The following PDE1C variants were observed in gnomAD, a reference collection of about 807,000 sequenced individuals.
PDE1C encodes phosphodiesterase 1C, also known as dual specificity calcium/calmodulin-dependent 3',5'-cyclic nucleotide phosphodiesterase 1C.
A neutral mutation model predicts 93.1 loss-of-function variants in PDE1C; 62 were observed. The observed-to-expected ratio is 0.67, with a 90% CI of 0.54 to 0.82. The LOEUF (loss-of-function observed/expected upper bound fraction) is 0.82. Among genes scored for constraint, PDE1C ranks in the 40% least tolerant of loss-of-function variants. PDE1C has a pLI of 0.00. For missense variants in PDE1C, 742 were observed against 884.6 expected, an observed-to-expected ratio of 0.84 and a Z score of 2.04; for synonymous variants, 325 against 310.1, an observed-to-expected ratio of 1.05 and a Z score of -0.50.
chr7:31,797,214 C>G lies in PDE1C; in HGVS notation c.1891+11817G>C, dbSNP rs146537420. On this transcript the variant is annotated intron_variant, in intron 16 of 17. Transcript: ENST00000396191. ...TTCTTATGACGACTTAATTGGAACC[C>G]AAAGCACTCCAGATATTTGGTCCCT... Among the ~76,000 whole-genome samples the G allele has an allele frequency of 4.0e-5, 6 of 151,778 alleles. 1 individual carries two copies. Among genetic ancestry groups the G allele is most frequent in the Middle Eastern group, 6.8e-3 (2 of 294 alleles).
At chr7:32,367,361 A>G (rs1004087304) in intron 1 of PDE1C, among the ~76,000 whole-genome samples, 2 of 152,266 alleles carry the variant, frequency 1.3e-5, no homozygotes, top group African/African-American at 4.8e-5. Flanking sequence ...CAAAGGACAT[A>G]TAAAACATGA....
rs564959615 is a variant in PDE1C at position 31,871,615 on chromosome 7, T to C, written c.609+1677A>G. Among the ~76,000 whole-genome samples the C allele has an allele frequency of 4.6e-5, 7 of 151,600 alleles. No homozygotes were observed. In the South Asian group the frequency reaches 1.5e-3, roughly 32 times the overall value. On this transcript the variant is annotated intron_variant, in intron 6 of 17. Transcript: ENST00000396191. Reference sequence around the variant, plus strand: ...GGGTACATGAAAAAAATGCTCATTATCACTAATCATCAGGGAAATGAAAAT... The same window carrying C: ...GGGTACATGAAAAAAATGCTCATTACCACTAATCATCAGGGAAATGAAAAT...
At chr7:32,094,349 T>C (rs945753265) in intron 3 of PDE1C, among the ~76,000 whole-genome samples, 2 of 152,146 alleles carry the variant, frequency 1.3e-5, no homozygotes, top group Admixed American at 6.5e-5. Flanking sequence ...CACTATCTTC[T>C]GATTATTGAA....
chr7:32,249,033 T>C (rs1809168442), intron 1 of PDE1C, among the ~76,000 whole-genome samples: 1 of 152,018 alleles, frequency 6.6e-6, no homozygotes, highest in Non-Finnish European at 1.5e-5. Flanking sequence ...ACAGGAGCTC[T>C]TGGAAGTCAA....
intron 2 of PDE1C, among the ~76,000 whole-genome samples, chr7:31,956,834 A>C (rs894484005): frequency 1.1e-4 from 16 of 152,186 alleles, no homozygotes; most frequent in African/African-American, 3.9e-4. Flanking sequence ...AATTGGTTAA[A>C]ATCATGGGCA....
chr7:31,741,006 C>T, the PDE1C span, among the ~76,000 whole-genome samples: 1 of 151,280 alleles, frequency 6.6e-6, no homozygotes, highest in Non-Finnish European at 1.5e-5. Flanking sequence ...GAGTTTGAGG[C>T]TGCAGTGATC....
At chr7:32,371,666 T>C (rs1031128281) in intron 1 of PDE1C, among the ~76,000 whole-genome samples, 1 of 152,240 alleles carries the variant, frequency 6.6e-6, no homozygotes. Context: ...ATAAAATATT[T>C]GTAAAACTTT....
At position 31,944,256 on chromosome 7, in the gene PDE1C, C is replaced by T. The variant is rs147311227; in HGVS notation, c.129-63396G>A. 4.3e-4 allele frequency among the ~76,000 whole-genome samples: 65 copies of T among 152,316 alleles called. No individual in the cohort carries two copies. The East Asian group carries it at 6.2e-3, about 14-fold the overall frequency. ...TCTGGTTTTCCCTCCCGGTTACATTCGCACTAGAGCACTCACCTGGGCCAA... is the reference window on the plus strand; with the variant it reads ...TCTGGTTTTCCCTCCCGGTTACATTTGCACTAGAGCACTCACCTGGGCCAA... On this transcript the variant is annotated intron_variant, in intron 2 of 17. Transcript: ENST00000396191.
intron 3 of PDE1C, among the ~76,000 whole-genome samples, chr7:32,143,521 T>C (rs2392027): frequency 0.32 from 48,729 of 151,664 alleles, 8,590 homozygotes; most frequent in Non-Finnish European, 0.4. Context: ...GCCATTCCCA[T>C]GTGCTGTGAT....
intron 1 of PDE1C, among the ~76,000 whole-genome samples, chr7:32,282,706 G>A (rs1304185736): frequency 6.8e-6 from 1 of 146,004 alleles, no homozygotes; most frequent in Non-Finnish European, 1.5e-5. Context: ...TCAGCCTCCC[G>A]AGTAGCTGGG....
At chr7:32,171,670 G>A (rs1260389738) in intron 2 of PDE1C, among the ~76,000 whole-genome samples, 1 of 150,442 alleles carries the variant, frequency 6.6e-6, no homozygotes, top group Admixed American at 6.6e-5. Flanking sequence ...ATTGTATTAG[G>A]TATTACAAGT....
chr7:31,953,381 A>G (rs781090268), intron 2 of PDE1C, among the ~76,000 whole-genome samples: 5 of 152,138 alleles, frequency 3.3e-5, no homozygotes, highest in African/African-American at 7.2e-5. Flanking sequence ...GGATTCTTCA[A>G]TCTCAAAGTA....
At chr7:31,660,375 G>A in the PDE1C span, among the ~76,000 whole-genome samples, 1 of 152,096 alleles carries the variant, frequency 6.6e-6, no homozygotes. Flanking sequence ...TCTATGTAAA[G>A]CTATGGTCTA....
chr7:31,908,980 T>A (rs1201228492), intron 2 of PDE1C, among the ~76,000 whole-genome samples: 1 of 152,210 alleles, frequency 6.6e-6, no homozygotes, highest in Non-Finnish European at 1.5e-5. Flanking sequence ...GACAGCATCT[T>A]CAACCTTGCC....
intron 1 of PDE1C, among the ~76,000 whole-genome samples, chr7:32,277,029 G>A (rs1383994491): frequency 6.6e-6 from 1 of 152,138 alleles, no homozygotes. Context: ...AAAGCAGGCA[G>A]ATCGCTTGAG....
chr7:32,186,087 G>GTTTTTTTTTTTT (rs10561469), intron 2 of PDE1C, among the ~76,000 whole-genome samples: 1 of 128,570 alleles, frequency 7.8e-6, no homozygotes, highest in African/African-American at 2.9e-5. Context: ...TTGTTTTTTT[G>GTTTTTTTTTTTT]TTTTTTTTTT....
intron 1 of PDE1C, among the ~76,000 whole-genome samples, chr7:32,313,003 A>G (rs1045785978): frequency 2.0e-5 from 3 of 152,190 alleles, no homozygotes; most frequent in African/African-American, 7.2e-5. Context: ...CAACCTACTC[A>G]TCTGACAAAG....
At chr7:32,122,732 T>C (rs1193939871) in intron 3 of PDE1C, among the ~76,000 whole-genome samples, 1 of 152,182 alleles carries the variant, frequency 6.6e-6, no homozygotes, top group Non-Finnish European at 1.5e-5. Flanking sequence ...GAGGGAAATT[T>C]ATAGCACTAA....
At chr7:32,204,513 G>C (rs897416661) in intron 2 of PDE1C, among the ~76,000 whole-genome samples, 10 of 152,292 alleles carry the variant, frequency 6.6e-5, no homozygotes, top group African/African-American at 2.4e-4. Flanking sequence ...CCTGACAGAA[G>C]CTCTGTCCAA....
Sources: gnomAD v4.1 joint callset for allele counts (sites outside exome capture counted in the v4.1 genomes callset) on GRCh38, gnomAD v4.1.1 for gene constraint, MANE v1.5 for transcripts, NCBI Gene and HGNC (gene_info 2026-07-23, HGNC 2026-07-21) for gene names.